Variants in GPC3 observed in about 807,000 individuals in gnomAD.
GPC3 encodes glypican-3.
GPC3 carries 3 observed loss-of-function variants against 34.4 expected under a neutral mutation model. That is an observed-to-expected ratio of 0.09 (90% CI 0.04 to 0.23). The LOEUF is 0.23. GPC3 is among the 10% of genes least tolerant of loss of function. The pLI, the probability that GPC3 is intolerant of heterozygous loss-of-function variation, is 1.00. For missense variants in GPC3, 351 were observed against 445.6 expected, an observed-to-expected ratio of 0.79 and a Z score of 1.91; for synonymous variants, 177 against 174.0, an observed-to-expected ratio of 1.02 and a Z score of -0.13.
At chrX:133,954,892 C>T (rs577794626) in intron 1 of GPC3, among the ~76,000 whole-genome samples, 2 of 109,459 alleles carry the variant, frequency 1.8e-5, no homozygotes, top group African/African-American at 6.7e-5. Flanking sequence ...GGATTACAGG[C>T]ATCTGCCACC....
At chrX:133,827,804 G>A (rs935430492) in intron 2 of GPC3, among the ~76,000 whole-genome samples, 2 of 107,306 alleles carry the variant, frequency 1.9e-5, no homozygotes, top group Non-Finnish European at 3.8e-5. Flanking sequence ...AATTAGCTGG[G>A]CATGGTGGTG....
intron 6 of GPC3, among the ~76,000 whole-genome samples, chrX:133,645,560 G>A (rs771953928): frequency 1.8e-5 from 2 of 111,655 alleles, no homozygotes; most frequent in East Asian, 2.8e-4. Flanking sequence ...AGCTGCTGCT[G>A]TTCATCATTG....
chrX:133,724,466 T>G (rs1435139539), intron 3 of GPC3, among the ~76,000 whole-genome samples: 1 of 112,177 alleles, frequency 8.9e-6, no homozygotes, highest in Non-Finnish European at 1.9e-5. Context: ...GCTCTATTTT[T>G]CTTTATGCTG....
At chrX:133,736,010 AGAATATGTAAATAATCCTTACAATT>A (rs2071509018) in intron 3 of GPC3, among the ~76,000 whole-genome samples, 1 of 110,798 alleles carries the variant, frequency 9.0e-6, no homozygotes, top group Non-Finnish European at 1.9e-5. Context: ...TCTAGTATCC[AGAATATGTAAATAATCCTTACAATT>A]GAACAATGAA....
At chrX:133,881,247 C>T (rs2076040172) in intron 2 of GPC3, among the ~76,000 whole-genome samples, 2 of 111,720 alleles carry the variant, frequency 1.8e-5, no homozygotes, top group South Asian at 7.5e-4. Context: ...TTGTCGCTGA[C>T]ACTCATCTAG....
chrX:133,935,792 T>C (rs2076320712), intron 2 of GPC3, among the ~76,000 whole-genome samples: 1 of 111,436 alleles, frequency 9.0e-6, no homozygotes, highest in South Asian at 3.8e-4. Flanking sequence ...CAACTAACTT[T>C]TCAGGACTAT....
Position 133,536,225 on chromosome X carries a change from C to T in GPC3, c.1642G>A (p.Glu548Lys), listed in dbSNP as rs372317881. The change falls in exon 8 of 8, where the codon GAG becomes AAG. Residue 548 changes from glutamate to lysine, a missense_variant. By Grantham distance (56) the Glu-to-Lys change is moderately conservative. Transcript: ENST00000370818. ...NSQQATPKDN[E>K]ISTFHNLGNV... is the part of the protein sequence containing the mutation. ...CCGAGGTTGTGAAAGGTGCTTATCT[C>T]GTTGTCCTTCGGAGTTGCCTGCTGA... 2 of 1,202,515 alleles carry T rather than the reference C, an allele frequency of 1.7e-6. No homozygotes were observed. Among genetic ancestry groups the T allele is most frequent in the East Asian group, 3.0e-5 (1 of 33,768 alleles).
chrX:133,974,033 C>T (rs2076504262), intron 1 of GPC3, among the ~76,000 whole-genome samples: 2 of 111,385 alleles, frequency 1.8e-5, no homozygotes, highest in Admixed American at 1.9e-4. Flanking sequence ...TAACTTTCAG[C>T]GTTTTTTTTG....
At chrX:133,982,094 T>C (rs1354875983) in intron 1 of GPC3, among the ~76,000 whole-genome samples, 1 of 112,462 alleles carries the variant, frequency 8.9e-6, no homozygotes, top group Non-Finnish European at 1.9e-5. Flanking sequence ...TTCTGTAACA[T>C]TCCCTTGAGA....
chrX:133,741,117 C>G (rs1276170545), intron 3 of GPC3, among the ~76,000 whole-genome samples: 1 of 109,832 alleles, frequency 9.1e-6, no homozygotes, highest in Non-Finnish European at 1.9e-5. Flanking sequence ...TCTTTCCCCA[C>G]AGGGTTCACA....
intron 2 of GPC3, among the ~76,000 whole-genome samples, chrX:133,803,920 T>C (rs1219642221): frequency 1.8e-5 from 2 of 109,787 alleles, no homozygotes; most frequent in Admixed American, 2.0e-4. Context: ...AAATTATTAT[T>C]ATTTATGTGA....
At chrX:133,687,384 T>G (rs12845512) in intron 5 of GPC3, among the ~76,000 whole-genome samples, 25 of 37,879 alleles carry the variant, frequency 6.6e-4, no homozygotes, top group African/African-American at 2.0e-3. Flanking sequence ...ATTATCAGAG[T>G]TTTTTTTTTT....
intron 2 of GPC3, among the ~76,000 whole-genome samples, chrX:133,881,776 A>G (rs1410268547): frequency 8.9e-6 from 1 of 112,617 alleles, no homozygotes; most frequent in African/African-American, 3.2e-5. Context: ...AAGAGCAAGG[A>G]GATCACTGAG....
chrX:133,872,257 G>A (rs1225964879), intron 2 of GPC3, among the ~76,000 whole-genome samples: 3 of 110,382 alleles, frequency 2.7e-5, no homozygotes, highest in Admixed American at 1.9e-4. Flanking sequence ...TCTGAGGTTC[G>A]GGCTTTCTAC....
chrX:133,693,350 A>T (rs928110545), intron 4 of GPC3, among the ~76,000 whole-genome samples: 2 of 111,490 alleles, frequency 1.8e-5, no homozygotes, highest in African/African-American at 6.5e-5. Flanking sequence ...AATATGCCTT[A>T]GACTGGAGAG....
intron 2 of GPC3, among the ~76,000 whole-genome samples, chrX:133,860,053 A>T (rs895701039): frequency 9.0e-6 from 1 of 111,340 alleles, no homozygotes; most frequent in African/African-American, 3.3e-5. Context: ...GACAGCACCA[A>T]GCCTGTTCAT....
chrX:133,650,492 T>TA (rs944913505), intron 6 of GPC3, among the ~76,000 whole-genome samples: 25 of 107,083 alleles, frequency 2.3e-4, no homozygotes, highest in African/African-American at 7.7e-4. Flanking sequence ...CACACACATA[T>TA]AAAAAATCGT....
At chrX:133,556,790 GA>G (rs1247323383) in intron 7 of GPC3, among the ~76,000 whole-genome samples, 21 of 62,254 alleles carry the variant, frequency 3.4e-4, no homozygotes, top group Non-Finnish European at 5.5e-4. Flanking sequence ...GGGGAGGGGG[GA>G]GGGATAACAT....
At chrX:133,931,376 A>G (rs2076297717) in intron 2 of GPC3, among the ~76,000 whole-genome samples, 1 of 110,963 alleles carries the variant, frequency 9.0e-6, no homozygotes, top group Non-Finnish European at 1.9e-5. Context: ...AAAGGTATAA[A>G]ACTTGAGGCA....
Sources: gnomAD v4.1 joint callset for allele counts (sites outside exome capture counted in the v4.1 genomes callset) on GRCh38, gnomAD v4.1.1 for gene constraint, MANE v1.5 for transcripts, NCBI Gene and HGNC (gene_info 2026-07-23, HGNC 2026-07-21) for gene names.